Variants in RBFOX1 observed in about 807,000 individuals in gnomAD.
RBFOX1 encodes RNA binding fox-1 homolog 1.
A neutral mutation model predicts 57.7 loss-of-function variants in RBFOX1; 8 were observed. The observed-to-expected ratio is 0.14, with a 90% CI of 0.08 to 0.25. The LOEUF is 0.25. Ranked by LOEUF, RBFOX1 falls within the 10% of genes least tolerant of loss-of-function variation. The pLI, the probability that RBFOX1 is intolerant of heterozygous loss-of-function variation, is 1.00. For missense variants in RBFOX1, 611 were observed against 548.5 expected (o/e 1.11, Z -1.14); for synonymous variants, 326 against 222.4 (o/e 1.47, Z -4.15).
chr16:6,936,351 T>C (rs75079938), intron 3 of RBFOX1, among the ~76,000 whole-genome samples: 70 of 152,322 alleles, frequency 4.6e-4, no homozygotes, highest in African/African-American at 1.3e-3. Context: ...TTGAACCAAC[T>C]CTCAATGAGC....
chr16:6,227,925 C>A (rs965995394), intron 1 of RBFOX1, among the ~76,000 whole-genome samples: 2 of 152,138 alleles, frequency 1.3e-5, no homozygotes, highest in Non-Finnish European at 2.9e-5. Context: ...GATTCAGCAA[C>A]CTCACTGCTG....
chr16:6,736,935 T>A (rs1201847921), intron 3 of RBFOX1, among the ~76,000 whole-genome samples: 2 of 152,212 alleles, frequency 1.3e-5, no homozygotes, highest in Non-Finnish European at 2.9e-5. Flanking sequence ...TGGTGATGTC[T>A]GCTGTGAAGT....
intron 2 of RBFOX1, among the ~76,000 whole-genome samples, chr16:5,525,917 C>T (rs998374447): frequency 6.6e-6 from 1 of 152,062 alleles, no homozygotes; most frequent in African/African-American, 2.4e-5. Context: ...AGGCTAGTGC[C>T]TCTTTACTTG....
Position 7,012,303 on chromosome 16 carries a change from G to C in RBFOX1, c.-15-39754G>C, listed in dbSNP as rs540807888. Among the ~76,000 whole-genome samples, 34 of 152,296 alleles carry C rather than the reference G, an allele frequency of 2.2e-4. No individual in the cohort carries two copies. In the South Asian group the frequency reaches 5.8e-3, roughly 26 times the overall value. On this transcript the variant is annotated intron_variant, in intron 3 of 15. Transcript: ENST00000550418. ...TCTGAGGCTGACAGACCAAATGTCT[G>C]GCAGGTGAGATCTCATAACTACTAG...
At chr16:6,731,438 T>G (rs2068559411) in intron 3 of RBFOX1, among the ~76,000 whole-genome samples, 1 of 152,188 alleles carries the variant, frequency 6.6e-6, no homozygotes, top group African/African-American at 2.4e-5. Context: ...TCTCTGTCCT[T>G]CATCCTGTGG....
intron 3 of RBFOX1, among the ~76,000 whole-genome samples, chr16:5,761,638 G>A (rs931223447): frequency 6.6e-6 from 1 of 152,134 alleles, no homozygotes; most frequent in Admixed American, 6.5e-5. Context: ...AACAACATGA[G>A]GGTAACTGCC....
At chr16:7,001,229 C>T (rs1247718344) in intron 3 of RBFOX1, among the ~76,000 whole-genome samples, 1 of 151,958 alleles carries the variant, frequency 6.6e-6, no homozygotes, top group Non-Finnish European at 1.5e-5. Context: ...TGTTGTTGGC[C>T]AGTGGGAATG....
At chr16:6,396,684 C>T (rs1264145317) in intron 2 of RBFOX1, among the ~76,000 whole-genome samples, 2 of 152,078 alleles carry the variant, frequency 1.3e-5, no homozygotes, top group African/African-American at 4.8e-5. Flanking sequence ...TAACAAAATT[C>T]AGCCTCATTA....
intron 2 of RBFOX1, among the ~76,000 whole-genome samples, chr16:6,463,019 T>C (rs187487873): frequency 1.6e-4 from 25 of 152,348 alleles, no homozygotes; most frequent in African/African-American, 5.8e-4. Flanking sequence ...ACCTTTTGAG[T>C]TTATCTACAA....
intron 5 of RBFOX1, among the ~76,000 whole-genome samples, chr16:7,553,202 T>A (rs2087143163): frequency 1.3e-5 from 2 of 152,262 alleles, no homozygotes; most frequent in Admixed American, 6.5e-5. Flanking sequence ...TGGAGTGCAG[T>A]GGTGCAATCA....
At chr16:5,941,962 G>T (rs775336045) in intron 4 of RBFOX1, among the ~76,000 whole-genome samples, 5 of 151,170 alleles carry the variant, frequency 3.3e-5, no homozygotes, top group Non-Finnish European at 7.4e-5. Context: ...CATTGTTATG[G>T]TATTTTTCTA....
intron 4 of RBFOX1, among the ~76,000 whole-genome samples, chr16:7,204,507 A>G (rs1372159423): frequency 6.6e-6 from 1 of 152,154 alleles, no homozygotes; most frequent in Non-Finnish European, 1.5e-5. Flanking sequence ...TTAGCCAGGC[A>G]TGGTGATATG....
At chr16:6,550,192 CG>C (rs747920721) in intron 2 of RBFOX1, among the ~76,000 whole-genome samples, 1 of 151,810 alleles carries the variant, frequency 6.6e-6, no homozygotes, top group South Asian at 2.1e-4. Context: ...TGGGGGTTGG[CG>C]GGGGGACAGA....
intron 3 of RBFOX1, among the ~76,000 whole-genome samples, chr16:6,977,227 CAT>C (rs903182186): frequency 3.4e-5 from 5 of 147,410 alleles, no homozygotes; most frequent in African/African-American, 5.0e-5. Flanking sequence ...ATCATATAAT[CAT>C]ATATGATTTA....
intron 4 of RBFOX1, among the ~76,000 whole-genome samples, chr16:7,076,477 G>A (rs919270414): frequency 6.6e-6 from 1 of 151,974 alleles, no homozygotes; most frequent in African/African-American, 2.4e-5. Context: ...ATTTCTTGGT[G>A]GAAGTGTAAA....
At chr16:5,485,837 A>T (rs2069713495) in intron 2 of RBFOX1, among the ~76,000 whole-genome samples, 1 of 152,198 alleles carries the variant, frequency 6.6e-6, no homozygotes, top group South Asian at 2.1e-4. Context: ...TAGAATCTGT[A>T]ATCAGGTTCC....
In RBFOX1 at chr16:6,882,881, G is replaced by C. The variant is rs917167917; in HGVS notation, c.-15-169176G>C. ...GAGTGAACAACCATCTTCCTGCTCT[G>C]TTCCTATTTTCCATTATACTTACCA... On this transcript the variant is annotated intron_variant, in intron 3 of 15. Coordinates refer to ENST00000550418, the MANE Select transcript of RBFOX1 (RefSeq NM_018723.4). 3.3e-5 allele frequency among the ~76,000 whole-genome samples: 5 copies of C among 152,222 alleles called. No individual in the cohort carries two copies. In the East Asian group the frequency reaches 9.7e-4, roughly 29 times the overall value.
intron 2 of RBFOX1, among the ~76,000 whole-genome samples, chr16:5,527,463 A>T (rs2044292234): frequency 6.6e-6 from 1 of 152,240 alleles, no homozygotes; most frequent in Non-Finnish European, 1.5e-5. Context: ...TGGAAGCAAG[A>T]TGAAAAGAGC....
chr16:5,804,030 TAAA>T (rs1416755835), intron 3 of RBFOX1, among the ~76,000 whole-genome samples: 1 of 152,216 alleles, frequency 6.6e-6, no homozygotes, highest in Non-Finnish European at 1.5e-5. Flanking sequence ...GCCACAGTAT[TAAA>T]GATGGTCTGC....
Sources: gnomAD v4.1 joint callset for allele counts (sites outside exome capture counted in the v4.1 genomes callset) on GRCh38, gnomAD v4.1.1 for gene constraint, MANE v1.5 for transcripts, NCBI Gene and HGNC (gene_info 2026-07-23, HGNC 2026-07-21) for gene names.